Variants in KIFC3 observed in about 807,000 individuals in gnomAD.
The protein encoded by KIFC3 is kinesin family member C3, also known as kinesin-like protein KIFC3.
A neutral mutation model predicts 101.8 loss-of-function variants in KIFC3; 60 were observed. The ratio of observed to expected loss-of-function variants is 0.59; its 90% CI spans 0.48 to 0.73. The LOEUF is 0.73. Ranked by LOEUF, KIFC3 falls within the 30% of genes least tolerant of loss-of-function variation. KIFC3 has a pLI of 0.00. For synonymous variants in KIFC3, 476 were observed against 482.7 expected (o/e 0.99, Z 0.18); for missense variants, 966 against 1,137.1 (o/e 0.85, Z 2.16).
At chr16:57,803,056 C>CACCT (rs781857200), upstream of KIFC3, 2 of 1,535,586 alleles carry the variant, frequency 1.3e-6, no homozygotes, top group Admixed American at 3.9e-5. Flanking sequence ...CTCGCTCCAC[C>CACCT]ACCTACTCGC....
At chr16:57,775,217 G>T in intron 3 of KIFC3, 1 of 1,323,124 alleles carries the variant, frequency 7.6e-7, no homozygotes, top group Non-Finnish European at 9.6e-7. Flanking sequence ...GGCAGGCTGG[G>T]GAGCATGGGG....
intron 2 of KIFC3, chr16:57,797,825 G>A (rs2149216616): frequency 2.1e-6 from 3 of 1,420,582 alleles, no homozygotes; most frequent in Non-Finnish European, 2.8e-6. Context: ...CCTGCTCTGT[G>A]CCCGACCCGT....
chr16:57,816,638 G>A (rs1439411854), intron 1 of KIFC3: 16 of 456,556 alleles, frequency 3.5e-5, no homozygotes, highest in Non-Finnish European at 7.0e-5. Flanking sequence ...AACCAGCCCT[G>A]GGCAGCTGCC....
chr16:57,854,615 A>T (rs2056125547), intron 1 of KIFC3, among the ~76,000 whole-genome samples: 2 of 145,740 alleles, frequency 1.4e-5, no homozygotes, highest in Non-Finnish European at 3.0e-5. Context: ...GTGACAGAGC[A>T]AGACTCCGTC....
At chr16:57,819,111 A>T (rs1255413070) in intron 1 of KIFC3, among the ~76,000 whole-genome samples, 4 of 151,962 alleles carry the variant, frequency 2.6e-5, no homozygotes, top group African/African-American at 9.7e-5. Flanking sequence ...TGTCAGCCCC[A>T]CCCCAGACGT....
chr16:57,761,173 T>C lies in KIFC3; in HGVS notation c.1873-2A>G. 1.2e-6 allele frequency: 2 copies of C among 1,613,646 alleles called. No homozygotes were observed. The highest frequency in any genetic ancestry group is 8.5e-7 in the Non-Finnish European group (1 of 1,179,850). ...ATTAGTGTGGCCAAACTCAAACACC[T>C]GGGGGATTGGGAGGAGGGCAGAGGC... On this transcript the variant is annotated splice_acceptor_variant, in intron 14 of 19. Coordinates refer to ENST00000445690, the MANE Select transcript of KIFC3 (RefSeq NM_001130100.2). LOFTEE classifies it high-confidence loss of function.
intron 11 of KIFC3, chr16:57,764,536 G>T (rs1476305773): frequency 1.7e-5 from 7 of 413,328 alleles, no homozygotes; most frequent in Non-Finnish European, 3.1e-5. Context: ...GAAGGTGGAG[G>T]CCAGCACATG....
At chr16:57,779,440 T>C (rs2052474534) in intron 3 of KIFC3, 1 of 152,166 alleles carries the variant, frequency 6.6e-6, no homozygotes, top group Non-Finnish European at 1.5e-5. Flanking sequence ...TAGCAGAAGA[T>C]GAAAAGAGTT....
intron 3 of KIFC3, among the ~76,000 whole-genome samples, chr16:57,793,972 C>A (rs2054095819): frequency 6.6e-6 from 1 of 152,202 alleles, no homozygotes; most frequent in Non-Finnish European, 1.5e-5. Flanking sequence ...TGCCCTGTTA[C>A]AAGGCTAGTT....
chr16:57,802,571 G>A (rs1555625946), upstream of KIFC3: 9 of 993,062 alleles, frequency 9.1e-6, no homozygotes, highest in East Asian at 1.1e-4. The surrounding 1 kb of genome is among the most constrained non-coding windows in gnomAD (Gnocchi z 5.0). Flanking sequence ...CCGGCGGGGG[G>A]CGGCGGCGCG....
At chr16:57,760,687 C>T in intron 16 of KIFC3, 39 bp downstream of exon 16, 1 of 1,541,570 alleles carries the variant, frequency 6.5e-7, no homozygotes, top group Middle Eastern at 1.7e-4. Context: ...GTAGCCCCTA[C>T]ATGCTAGGGA....
At position 57,816,260 on chromosome 16, in the gene KIFC3, G is replaced by A. The variant is rs531805557; in HGVS notation, c.109-17978C>T. ...CCCGGAAAGTGTCAACCCAAATCAC[G>A]ACACTCCTTGCCCCAAACCCAGAAG... is the stretch of plus-strand genomic sequence containing the variant. On this transcript the variant is annotated intron_variant, in intron 1 of 2. Coordinates refer to the KIFC3 transcript ENST00000563028. 3.3e-4 allele frequency: 430 copies of A among 1,289,124 alleles called. 1 individual carries two copies. The African/African-American group carries it at 4.2e-3, about 13-fold the overall frequency. 79.9% of individuals were successfully genotyped at this position (1,289,124 alleles called of 1,614,324 possible).
At chr16:57,837,776 C>T (rs1382464584) in intron 1 of KIFC3, among the ~76,000 whole-genome samples, 1 of 152,090 alleles carries the variant, frequency 6.6e-6, no homozygotes, top group Non-Finnish European at 1.5e-5. Context: ...CCTTGGGAAT[C>T]GGGACTTTAA....
At chr16:57,824,263 C>A (rs2055414935) in intron 1 of KIFC3, among the ~76,000 whole-genome samples, 1 of 152,226 alleles carries the variant, frequency 6.6e-6, no homozygotes, top group South Asian at 2.1e-4. Context: ...GCCACTGAGT[C>A]TGCACCACCA....
At chr16:57,846,785 A>G (rs1176990939) in intron 1 of KIFC3, among the ~76,000 whole-genome samples, 1 of 152,244 alleles carries the variant, frequency 6.6e-6, no homozygotes. Context: ...TTCTACTTAT[A>G]TGAATTTCAT....
At chr16:57,800,759 G>A (rs2054671087) in intron 1 of KIFC3, among the ~76,000 whole-genome samples, 1 of 152,180 alleles carries the variant, frequency 6.6e-6, no homozygotes, top group Non-Finnish European at 1.5e-5. Context: ...GCAGCCTCAG[G>A]GGTGTGAAGG....
chr16:57,830,828 GTAAT>G lies in KIFC3; in HGVS notation c.108+31897_108+31900del, dbSNP rs60960377. Among the ~76,000 whole-genome samples, 1,517 of 152,300 alleles carry G rather than the reference GTAAT, an allele frequency of 1.0e-2. 24 individuals carry two copies. Among genetic ancestry groups the G allele is most frequent in the African/African-American group, 0.034 (1,406 of 41,554 alleles). ...GATGCCAACATTCCCGGGGCCTTGA[GTAAT>G]TATGCCATGGGCTTGCCTGAAACAC... On this transcript the variant is annotated intron_variant, in intron 1 of 2. Transcript: ENST00000563028.
chr16:57,762,429 C>A (rs2049977864), intron 12 of KIFC3, among the ~76,000 whole-genome samples, 159 bp from the exon 13 acceptor site: 1 of 152,226 alleles, frequency 6.6e-6, no homozygotes, highest in Non-Finnish European at 1.5e-5. Flanking sequence ...CCTCCACCAG[C>A]TGCGGGCAAC....
chr16:57,840,556 T>A (rs2149310831), intron 1 of KIFC3, among the ~76,000 whole-genome samples: 1 of 151,470 alleles, frequency 6.6e-6, no homozygotes, highest in African/African-American at 2.4e-5. Flanking sequence ...AGGTCGGGAG[T>A]TCGAGACCAG....
Sources: allele counts gnomAD v4.1 joint callset (sites outside exome capture counted in the v4.1 genomes callset), GRCh38; gene constraint gnomAD v4.1.1; non-coding constraint Gnocchi (gnomAD v3.1); transcripts MANE v1.5; gene names NCBI Gene and HGNC (gene_info 2026-07-23, HGNC 2026-07-21).